The following NAALADL2 variants were observed in gnomAD, a reference collection of about 807,000 sequenced individuals.
NAALADL2 encodes the protein N-acetylated alpha-linked acidic dipeptidase like 2.
In NAALADL2, 76 loss-of-function variants were observed where a neutral mutation model predicts 87.2. The observed-to-expected ratio is 0.87, with a 90% confidence interval of 0.72 to 1.05. The LOEUF (loss-of-function observed/expected upper bound fraction) is 1.05. NAALADL2 is among the 50% of genes least tolerant of loss of function. The pLI is 0.00. For synonymous variants in NAALADL2, 354 were observed against 331.0 expected, an observed-to-expected ratio of 1.07 and a Z score of -0.75; for missense variants, 1,089 against 945.8, an observed-to-expected ratio of 1.15 and a Z score of -1.99.
Position 175,493,720 on chromosome 3 carries a change from G to T in NAALADL2, c.1653+21962G>T, listed in dbSNP as rs572245996. ...GGGTCGATGTCTATAATAGTCACCG[G>T]TATAACAAATGCAACTGTTTTTTCA... On this transcript the variant is annotated intron_variant, in intron 9 of 13. Transcript: ENST00000454872. Among the ~76,000 whole-genome samples, 3 of 152,188 alleles carry T rather than the reference G, an allele frequency of 2.0e-5. No individual in the cohort carries two copies. In the South Asian group the frequency reaches 6.2e-4, roughly 32 times the overall value.
chr3:175,450,582 T>C (rs1721414982), intron 6 of NAALADL2, among the ~76,000 whole-genome samples: 1 of 152,210 alleles, frequency 6.6e-6, no homozygotes, highest in South Asian at 2.1e-4. Context: ...AGTGTTAAAG[T>C]GAGTCATTGT....
chr3:175,098,639 T>C (rs532085082), intron 2 of NAALADL2, among the ~76,000 whole-genome samples: 1 of 152,308 alleles, frequency 6.6e-6, no homozygotes, highest in East Asian at 1.9e-4. Flanking sequence ...ACTGCTGACT[T>C]ACAACCTGAG....
At chr3:174,997,546 C>T (rs1159781159) in intron 1 of NAALADL2, among the ~76,000 whole-genome samples, 5 of 151,952 alleles carry the variant, frequency 3.3e-5, no homozygotes, top group Admixed American at 6.6e-5. Context: ...AGAGAGGGGC[C>T]GGGCACGGTG....
chr3:174,445,993 G>A (rs1299296152), intron 1 of NAALADL2, among the ~76,000 whole-genome samples: 1 of 152,100 alleles, frequency 6.6e-6, no homozygotes, highest in African/African-American at 2.4e-5. Context: ...TTGCACTGTT[G>A]CATGGGATAT....
chr3:175,754,149 T>G (rs1746952609), intron 12 of NAALADL2, among the ~76,000 whole-genome samples: 1 of 152,174 alleles, frequency 6.6e-6, no homozygotes, highest in South Asian at 2.1e-4. Context: ...TGCTTACCTG[T>G]GGGGACATAC....
intron 2 of NAALADL2, among the ~76,000 whole-genome samples, chr3:174,692,922 G>T (rs1313395193): frequency 1.1e-5 from 1 of 87,282 alleles, no homozygotes; most frequent in Non-Finnish European, 2.9e-5. Flanking sequence ...GGTATAAAAG[G>T]TTCTATTTGT....
At chr3:174,508,715 T>C (rs1719383449) in intron 1 of NAALADL2, among the ~76,000 whole-genome samples, 1 of 152,150 alleles carries the variant, frequency 6.6e-6, no homozygotes. Flanking sequence ...TTCCTAAACA[T>C]TTCATATTTT....
At chr3:174,930,771 G>GC (rs1303821376) in intron 1 of NAALADL2, among the ~76,000 whole-genome samples, 3 of 151,158 alleles carry the variant, frequency 2.0e-5, no homozygotes, top group African/African-American at 7.3e-5. Flanking sequence ...ACAGGCACCC[G>GC]CCACCATTCC....
At chr3:174,863,558 TC>T (rs1246388359) in intron 1 of NAALADL2, among the ~76,000 whole-genome samples, 27 of 151,796 alleles carry the variant, frequency 1.8e-4, no homozygotes, top group African/African-American at 6.3e-4. Flanking sequence ...TGGCACTAAT[TC>T]TATTTAAAAT....
At chr3:174,443,553 C>G (rs942265318) in intron 1 of NAALADL2, among the ~76,000 whole-genome samples, 3 of 152,112 alleles carry the variant, frequency 2.0e-5, no homozygotes, top group African/African-American at 7.2e-5. Flanking sequence ...GTCAAGCATG[C>G]AGTTAGCTGG....
At chr3:175,437,800 C>A (rs1718967720) in intron 5 of NAALADL2, among the ~76,000 whole-genome samples, 1 of 152,062 alleles carries the variant, frequency 6.6e-6, no homozygotes, top group Non-Finnish European at 1.5e-5. Flanking sequence ...TTATACTCTG[C>A]ATAATCTATA....
chr3:175,786,267 G>A lies in NAALADL2; in HGVS notation c.2190-16738G>A, dbSNP rs1454447051. Reference sequence around the variant, plus strand: ...TGGCCTGCCTTGCTAGATTGGGGAAGTTCTCCTGGATAATATCCTGCAAAG... The same window carrying A: ...TGGCCTGCCTTGCTAGATTGGGGAAATTCTCCTGGATAATATCCTGCAAAG... On this transcript the variant is annotated intron_variant, in intron 13 of 13. Coordinates refer to ENST00000454872, the MANE Select transcript of NAALADL2 (RefSeq NM_207015.3). Among the ~76,000 whole-genome samples the A allele has an allele frequency of 6.8e-4, 104 of 152,174 alleles. 1 individual carries two copies. The highest frequency in any genetic ancestry group is 2.1e-3 in the South Asian group (10 of 4,826).
chr3:175,502,545 C>A (rs1345700132), intron 9 of NAALADL2, among the ~76,000 whole-genome samples: 2 of 152,132 alleles, frequency 1.3e-5, no homozygotes, highest in Non-Finnish European at 2.9e-5. Flanking sequence ...ATCATATACA[C>A]CATCAGCTCT....
intron 3 of NAALADL2, among the ~76,000 whole-genome samples, chr3:174,831,735 T>G (rs978214314): frequency 6.6e-6 from 1 of 151,454 alleles, no homozygotes; most frequent in Non-Finnish European, 1.5e-5. Context: ...ATCCATCTGG[T>G]CCTGTACTCT....
At chr3:174,483,236 A>G (rs1717665673) in intron 1 of NAALADL2, among the ~76,000 whole-genome samples, 1 of 152,096 alleles carries the variant, frequency 6.6e-6, no homozygotes, top group African/African-American at 2.4e-5. Context: ...TTACAAAGGA[A>G]AGAGGCTTAA....
chr3:175,162,473 C>T (rs1297573168), intron 2 of NAALADL2, among the ~76,000 whole-genome samples: 1 of 152,036 alleles, frequency 6.6e-6, no homozygotes, highest in African/African-American at 2.4e-5. Context: ...GTATCATTTG[C>T]CATGTTTATG....
In NAALADL2 at chr3:175,361,336, T is replaced by C. The variant is rs1581578514; in HGVS notation, c.1090+37011T>C. Reference sequence around the variant, plus strand: ...GTGCTGTAATAAACATACATGTGCATGTGTCTTTATAGAAGCATGATGTAT... The same window carrying C: ...GTGCTGTAATAAACATACATGTGCACGTGTCTTTATAGAAGCATGATGTAT... On this transcript the variant is annotated intron_variant, in intron 5 of 13. Coordinates refer to ENST00000454872, the MANE Select transcript of NAALADL2 (RefSeq NM_207015.3). 3.4e-5 allele frequency among the ~76,000 whole-genome samples: 5 copies of C among 148,500 alleles called. No individual in the cohort carries two copies. In the South Asian group the frequency reaches 1.1e-3, roughly 33 times the overall value.
At chr3:175,716,347 A>G (rs903854950) in intron 11 of NAALADL2, among the ~76,000 whole-genome samples, 1 of 147,598 alleles carries the variant, frequency 6.8e-6, no homozygotes, top group Admixed American at 6.8e-5. Flanking sequence ...TATATAATAT[A>G]TATGTATATG....
chr3:174,634,424 A>G (rs1722435287), intron 2 of NAALADL2, among the ~76,000 whole-genome samples: 1 of 152,048 alleles, frequency 6.6e-6, no homozygotes, highest in African/African-American at 2.4e-5. Context: ...TGGTTGACAG[A>G]GTTTGGGCCT....
Sources: gnomAD v4.1 joint callset for allele counts (sites outside exome capture counted in the v4.1 genomes callset) on GRCh38, gnomAD v4.1.1 for gene constraint, MANE v1.5 for transcripts, NCBI Gene and HGNC (gene_info 2026-07-23, HGNC 2026-07-21) for gene names.